Variants in CNTNAP2 observed in about 807,000 individuals in gnomAD.
CNTNAP2 encodes contactin-associated protein-like 2.
CNTNAP2 carries 98 observed loss-of-function variants against 155.2 expected under a neutral mutation model. The observed-to-expected ratio is 0.63, with a 90% CI of 0.54 to 0.75. The LOEUF (loss-of-function observed/expected upper bound fraction) is 0.75, where lower values mean the gene tolerates loss of function less well. CNTNAP2 is among the 30% of genes least tolerant of loss of function. The pLI, the probability that CNTNAP2 is intolerant of heterozygous loss-of-function variation, is 0.00. For synonymous variants in CNTNAP2, 651 were observed against 631.2 expected, an observed-to-expected ratio of 1.03 and a Z score of -0.47; for missense variants, 1,727 against 1,688.1, an observed-to-expected ratio of 1.02 and a Z score of -0.40.
chr7:146,344,679 A>G (rs10273261), intron 1 of CNTNAP2, among the ~76,000 whole-genome samples: 18,262 of 152,096 alleles, frequency 0.12, 2,047 homozygotes, highest in African/African-American at 0.3. Flanking sequence ...GGGTTTCACC[A>G]TGTTGGGCAG....
intron 15 of CNTNAP2, among the ~76,000 whole-genome samples, chr7:148,111,120 G>A (rs1278676612): frequency 6.6e-6 from 1 of 152,100 alleles, no homozygotes; most frequent in Non-Finnish European, 1.5e-5. Context: ...CCAGATTGCA[G>A]TCAGCTGTCT....
chr7:148,243,500 G>A (rs573257588), intron 20 of CNTNAP2, among the ~76,000 whole-genome samples: 46 of 152,316 alleles, frequency 3.0e-4, no homozygotes, highest in African/African-American at 1.1e-3. Flanking sequence ...CATGGCTGGG[G>A]AAGTCTCACA....
intron 20 of CNTNAP2, among the ~76,000 whole-genome samples, chr7:148,242,245 T>A (rs1344884356): frequency 6.6e-6 from 1 of 152,212 alleles, no homozygotes; most frequent in Non-Finnish European, 1.5e-5. Flanking sequence ...CAGAGCGGGT[T>A]GTTTCTTGCC....
At chr7:147,184,338 T>G (rs1283661954) in intron 8 of CNTNAP2, among the ~76,000 whole-genome samples, 3 of 152,228 alleles carry the variant, frequency 2.0e-5, no homozygotes, top group Non-Finnish European at 4.4e-5. Flanking sequence ...GTCGTTGGAT[T>G]TGGATTTTCT....
chr7:147,571,638 C>CCT (rs1315847462), intron 12 of CNTNAP2, among the ~76,000 whole-genome samples: 2 of 152,112 alleles, frequency 1.3e-5, no homozygotes, highest in East Asian at 3.9e-4. Context: ...TCATTCTTCC[C>CCT]CTTTTAGAGA....
Position 146,935,574 on chromosome 7 carries a change from G to A in CNTNAP2, c.402+95670G>A, listed in dbSNP as rs111516352. The stretch of plus-strand genomic sequence containing the variant: ...TTTGGAGTAAAAGAAGCAATGATTA[G>A]AAATGTATCCCTCATGATAAGCTGT... On this transcript the variant is annotated intron_variant, in intron 3 of 23. Transcript: ENST00000361727. Among the ~76,000 whole-genome samples, 602 of 152,298 alleles carry A rather than the reference G, an allele frequency of 4.0e-3. 9 individuals carry two copies. The highest frequency in any genetic ancestry group is 0.013 in the African/African-American group (553 of 41,580).
intron 1 of CNTNAP2, among the ~76,000 whole-genome samples, chr7:146,274,212 CACAATGCTGGCAATGCCAG>C (rs1256980894): frequency 6.6e-5 from 10 of 152,154 alleles, no homozygotes; most frequent in African/African-American, 2.4e-4. Flanking sequence ...CCAAGTCAAG[CACAATGCTGGCAATGCCAG>C]CCATGGGCAG....
intron 15 of CNTNAP2, among the ~76,000 whole-genome samples, chr7:148,111,701 T>G (rs1804357251): frequency 6.6e-6 from 1 of 152,228 alleles, no homozygotes; most frequent in African/African-American, 2.4e-5. Flanking sequence ...AGGAAAAAAA[T>G]GTAGGTTGCA....
Position 146,581,225 on chromosome 7 carries a change from C to T in CNTNAP2, c.98-193046C>T, listed in dbSNP as rs369397279. On this transcript the variant is annotated intron_variant, in intron 1 of 23. Coordinates refer to ENST00000361727, the MANE Select transcript of CNTNAP2 (RefSeq NM_014141.6). ...TATAAGGCCTCCATTGCCTAAGTGA[C>T]TAAAATGTATGTTTCCAGAAAGATT... is the stretch of plus-strand genomic sequence containing the variant. Among the ~76,000 whole-genome samples the T allele has an allele frequency of 1.7e-4, 26 of 152,198 alleles. No homozygotes were observed. In the East Asian group the frequency reaches 2.9e-3, roughly 17 times the overall value.
At chr7:147,058,751 T>C (rs1010820554) in intron 4 of CNTNAP2, among the ~76,000 whole-genome samples, 6 of 152,124 alleles carry the variant, frequency 3.9e-5, no homozygotes, top group African/African-American at 1.4e-4. Flanking sequence ...GGACTACAGA[T>C]GTGTGCCACC....
At chr7:148,406,554 G>A (rs1435710660) in intron 22 of CNTNAP2, among the ~76,000 whole-genome samples, 3 of 152,176 alleles carry the variant, frequency 2.0e-5, no homozygotes, top group Admixed American at 1.3e-4. Context: ...CAAAAGGCAG[G>A]GTAGAGAAGA....
intron 11 of CNTNAP2, among the ~76,000 whole-genome samples, chr7:147,539,310 A>G (rs1333924165): frequency 6.6e-6 from 1 of 151,992 alleles, no homozygotes; most frequent in Admixed American, 6.6e-5. Flanking sequence ...TCCTCACAAA[A>G]CTCTATGAGA....
intron 20 of CNTNAP2, among the ~76,000 whole-genome samples, chr7:148,245,482 T>C (rs1471326121): frequency 6.6e-6 from 1 of 152,256 alleles, no homozygotes; most frequent in Non-Finnish European, 1.5e-5. Flanking sequence ...TGGCATATTC[T>C]GCGCGCTGCT....
chr7:147,248,249 T>C (rs1584818271), intron 8 of CNTNAP2, among the ~76,000 whole-genome samples: 1 of 152,368 alleles, frequency 6.6e-6, no homozygotes, highest in East Asian at 1.9e-4. Context: ...CGTCTATTGC[T>C]ACTTTTCTGT....
intron 3 of CNTNAP2, among the ~76,000 whole-genome samples, chr7:146,858,325 A>G (rs1795032668): frequency 6.6e-6 from 1 of 152,216 alleles, no homozygotes; most frequent in Non-Finnish European, 1.5e-5. Context: ...ATCTAGTGGA[A>G]TGGGCTTGCA....
At chr7:147,103,508 T>A (rs1177057354) in intron 4 of CNTNAP2, among the ~76,000 whole-genome samples, 3 of 152,144 alleles carry the variant, frequency 2.0e-5, no homozygotes, top group African/African-American at 7.2e-5. Context: ...GGTATTTATT[T>A]GCATAAACTA....
chr7:147,935,196 G>A (rs748629357), intron 14 of CNTNAP2, among the ~76,000 whole-genome samples: 30 of 151,372 alleles, frequency 2.0e-4, no homozygotes, highest in Non-Finnish European at 3.4e-4. Context: ...GTGCGATCTC[G>A]GCTCACTGCA....
chr7:146,570,994 TGTTTCCA>T (rs1563139468), intron 1 of CNTNAP2, among the ~76,000 whole-genome samples: 1 of 152,166 alleles, frequency 6.6e-6, no homozygotes, highest in Non-Finnish European at 1.5e-5. Context: ...AATCTAGTGA[TGTTTCCA>T]GATGTTTAGA....
At chr7:146,873,546 C>A (rs577316267) in intron 3 of CNTNAP2, among the ~76,000 whole-genome samples, 1 of 151,862 alleles carries the variant, frequency 6.6e-6, no homozygotes, top group East Asian at 1.9e-4. Context: ...GATTCAGAGG[C>A]TGCACAGTGA....
Sources: allele counts gnomAD v4.1 joint callset (sites outside exome capture counted in the v4.1 genomes callset), GRCh38; gene constraint gnomAD v4.1.1; transcripts MANE v1.5; gene names NCBI Gene and HGNC (gene_info 2026-07-23, HGNC 2026-07-21).